Variants in PDE8A observed in about 807,000 individuals in gnomAD.
PDE8A encodes phosphodiesterase 8A, also known as high affinity cAMP-specific and IBMX-insensitive 3',5'-cyclic phosphodiesterase 8A.
Under a neutral mutation model 105.0 loss-of-function variants are expected in PDE8A, and 59 were observed. The observed-to-expected ratio is 0.56, with a 90% CI of 0.46 to 0.70. The LOEUF is 0.70. Among genes scored for constraint, PDE8A ranks in the 30% least tolerant of loss-of-function variants. The pLI is 0.00. For synonymous variants in PDE8A, 355 were observed against 371.9 expected (o/e 0.95, Z 0.52); for missense variants, 1,014 against 1,045.9 (o/e 0.97, Z 0.42).
At chr15:84,996,920 G>T (rs1032498186) in intron 1 of PDE8A, among the ~76,000 whole-genome samples, 2 of 150,770 alleles carry the variant, frequency 1.3e-5, no homozygotes, top group Admixed American at 6.6e-5. Flanking sequence ...GAGTGAGTCA[G>T]TGAATGAGTG....
At chr15:85,083,006 T>C (rs1329702960) in intron 5 of PDE8A, among the ~76,000 whole-genome samples, 1 of 152,264 alleles carries the variant, frequency 6.6e-6, no homozygotes, top group Non-Finnish European at 1.5e-5. Context: ...GCCTCTGCTG[T>C]GGAAGATAAT....
chr15:85,088,353 C>T (rs1351267860), intron 6 of PDE8A, among the ~76,000 whole-genome samples: 1 of 152,214 alleles, frequency 6.6e-6, no homozygotes, highest in Non-Finnish European at 1.5e-5. Flanking sequence ...TGCAGATTTG[C>T]GTATTCTGGA....
intron 1 of PDE8A, among the ~76,000 whole-genome samples, chr15:84,996,548 G>T (rs2079979141): frequency 6.6e-6 from 1 of 151,814 alleles, no homozygotes; most frequent in Non-Finnish European, 1.5e-5. Context: ...AAATGGGCTG[G>T]GCATGGTGGC....
chr15:84,993,442 C>CAAAAAA (rs11362736), intron 1 of PDE8A, among the ~76,000 whole-genome samples: 223 of 72,536 alleles, frequency 3.1e-3, no homozygotes, highest in East Asian at 4.2e-3. Flanking sequence ...GACTCCATCT[C>CAAAAAA]AAAAAAAAAA....
chr15:85,030,940 C>T (rs2080604934), intron 1 of PDE8A, among the ~76,000 whole-genome samples: 1 of 152,138 alleles, frequency 6.6e-6, no homozygotes. Context: ...ATTTTTATAT[C>T]CTTCTATATT....
rs1484274881 is a variant in PDE8A, at chr15:85,136,581, T to C, written c.2301T>C (p.Phe767=). ...GCTTACCTGTGGTGATGCCAGTGTT[T>C]GACAGAAATACCTGCAGCATCCCCA... ...QQGLPVVMPV[F]DRNTCSIPKS... Residue 767 remains phenylalanine (F), a synonymous_variant, in exon 21 of 22, where the codon TTT becomes TTC. Coordinates refer to ENST00000394553, the MANE Select transcript of PDE8A (RefSeq NM_002605.3). 5 of 1,613,784 alleles carry C rather than the reference T, an allele frequency of 3.1e-6. No individual in the cohort carries two copies. Among genetic ancestry groups the C allele is most frequent in the Non-Finnish European group, 4.2e-6 (5 of 1,179,852 alleles).
At chr15:84,994,419 C>G (rs907401459) in intron 1 of PDE8A, among the ~76,000 whole-genome samples, 2 of 152,204 alleles carry the variant, frequency 1.3e-5, no homozygotes, top group African/African-American at 4.8e-5. Flanking sequence ...CATGTAATCA[C>G]CAGCCAAATC....
intron 1 of PDE8A, among the ~76,000 whole-genome samples, chr15:85,052,629 A>C (rs572511653): frequency 6.6e-6 from 1 of 152,176 alleles, no homozygotes; most frequent in East Asian, 1.9e-4. Context: ...TTCTTTTGAG[A>C]AGTGTCTGTT....
At chr15:85,065,443 T>G (rs961231742) in intron 2 of PDE8A, among the ~76,000 whole-genome samples, 21 of 149,104 alleles carry the variant, frequency 1.4e-4, no homozygotes, top group African/African-American at 5.3e-4. Flanking sequence ...GTAACTAACC[T>G]GCACAATGTG....
chr15:85,091,220 A>G (rs1331573575), intron 8 of PDE8A, 39 bp downstream of exon 8: 1 of 1,546,864 alleles, frequency 6.5e-7, no homozygotes, highest in Non-Finnish European at 8.8e-7. Context: ...CTTTCACAAC[A>G]CAGAGAGAAG....
At chr15:85,017,185 C>T (rs201391853) in intron 1 of PDE8A, among the ~76,000 whole-genome samples, 3 of 151,110 alleles carry the variant, frequency 2.0e-5, no homozygotes, top group Non-Finnish European at 4.4e-5. Context: ...GGCGTGAACC[C>T]GGGAAGCAGA....
intron 2 of PDE8A, among the ~76,000 whole-genome samples, chr15:85,065,834 G>A (rs2081216179): frequency 6.6e-6 from 1 of 152,222 alleles, no homozygotes; most frequent in African/African-American, 2.4e-5. Context: ...AGGCTGGCTG[G>A]ATAAGGAAGA....
intron 8 of PDE8A, 54 bp from the exon 9 acceptor site, chr15:85,097,894 C>T (rs2081784907): frequency 1.0e-6 from 1 of 1,002,522 alleles, no homozygotes. Context: ...GGAAAATGTT[C>T]TTGGGTTTAT....
At chr15:84,986,100 A>T (rs1037863461) in intron 1 of PDE8A, among the ~76,000 whole-genome samples, 5 of 152,090 alleles carry the variant, frequency 3.3e-5, no homozygotes, top group Non-Finnish European at 7.4e-5. Context: ...GGCACCGCAC[A>T]CCTTTAGTCC....
rs558976206 is a variant in PDE8A at position 85,018,956 on chromosome 15, T to G, written c.186+36608T>G. Reference sequence around the variant, plus strand: ...TAATGAAAATATTTTTCCTCTGTTTTAAAAATGGATTTTGGTATTTTTGCA... The same window carrying G: ...TAATGAAAATATTTTTCCTCTGTTTGAAAAATGGATTTTGGTATTTTTGCA... On this transcript the variant is annotated intron_variant, in intron 1 of 21. Coordinates refer to ENST00000394553, the MANE Select transcript of PDE8A (RefSeq NM_002605.3). Among the ~76,000 whole-genome samples, 3 of 152,374 alleles carry G rather than the reference T, an allele frequency of 2.0e-5. No individual in the cohort carries two copies. In the East Asian group the frequency reaches 5.8e-4, roughly 29 times the overall value.
At position 85,115,472 on chromosome 15, in the gene PDE8A, G is replaced by A. The variant is rs746470340; in HGVS notation, c.1384G>A (p.Val462Ile). The A allele has an allele frequency of 2.6e-6, 4 of 1,524,460 alleles. No homozygotes were observed. The highest frequency in any genetic ancestry group is 2.4e-5 in the East Asian group (1 of 41,758). 94.4% of individuals were successfully genotyped at this position (1,524,460 alleles called of 1,614,324 possible). Reference protein sequence around the residue: ...GLRRLSGNEYVLSTKNTQMVS... With the variant: ...GLRRLSGNEYILSTKNTQMVS... Reference sequence around the variant, plus strand: ...GCGAAGACTATCAGGGAATGAATATGTTCTTTCAACAAAAAGTAAGTTTTT... The same window carrying A: ...GCGAAGACTATCAGGGAATGAATATATTCTTTCAACAAAAAGTAAGTTTTT... Residue 462 changes from valine to isoleucine, a missense_variant, in exon 15 of 22, where the codon GTT (valine) becomes ATT (isoleucine). Coordinates refer to ENST00000394553, the MANE Select transcript of PDE8A (RefSeq NM_002605.3).
At chr15:85,067,331 A>G (rs1697989477) in intron 3 of PDE8A, 127 bp downstream of exon 3, 7 of 596,832 alleles carry the variant, frequency 1.2e-5, no homozygotes, top group African/African-American at 1.9e-5. Context: ...TAAACAAAAT[A>G]TTAGAACCTC....
At chr15:85,118,540 C>T (rs919529083) in intron 17 of PDE8A, among the ~76,000 whole-genome samples, 1 of 152,218 alleles carries the variant, frequency 6.6e-6, no homozygotes, top group African/African-American at 2.4e-5. Context: ...CTTTCTGAAA[C>T]AGCATACCTG....
At chr15:85,132,985 C>T (rs1410268626) in intron 20 of PDE8A, among the ~76,000 whole-genome samples, 1 of 151,976 alleles carries the variant, frequency 6.6e-6, no homozygotes, top group Non-Finnish European at 1.5e-5. Flanking sequence ...CTTTGTATGC[C>T]TTGTGATTTT....
Sources: allele counts gnomAD v4.1 joint callset (sites outside exome capture counted in the v4.1 genomes callset), GRCh38; gene constraint gnomAD v4.1.1; transcripts MANE v1.5; gene names NCBI Gene and HGNC (gene_info 2026-07-23, HGNC 2026-07-21).